MYO10: variants seen among roughly 807,000 people sequenced by gnomAD.
MYO10 encodes the protein unconventional myosin-X.
In MYO10, 133 loss-of-function variants were observed where a neutral mutation model predicts 257.3. The ratio of observed to expected loss-of-function variants is 0.52; its 90% CI spans 0.45 to 0.60. The LOEUF is 0.60. Ranked by LOEUF, MYO10 falls within the 20% of genes least tolerant of loss-of-function variation. The pLI, the probability that MYO10 is intolerant of heterozygous loss-of-function variation, is 0.00. For synonymous variants in MYO10, 1,104 were observed against 1,028.6 expected (o/e 1.07, Z -1.40); for missense variants, 2,399 against 2,635.7 (o/e 0.91, Z 1.97).
At position 16,705,023 on chromosome 5, in the gene MYO10, G is replaced by A. The variant is rs137932530; in HGVS notation, c.2170-338C>T. Among the ~76,000 whole-genome samples the A allele has an allele frequency of 3.0e-3, 453 of 152,274 alleles. 2 individuals are homozygous for A. The highest frequency in any genetic ancestry group is 9.7e-3 in the African/African-American group (403 of 41,562). The stretch of plus-strand genomic sequence containing the variant: ...CACTTAACACATCATGGGCTGGGAC[G>A]AATAGTTCATGGACCAGCATTGGTC... On this transcript the variant is annotated intron_variant, in intron 21 of 40. Coordinates refer to ENST00000513610, the MANE Select transcript of MYO10 (RefSeq NM_012334.3).
intron 19 of MYO10, among the ~76,000 whole-genome samples, chr5:16,746,089 T>C (rs7713400): frequency 0.075 from 11,468 of 152,180 alleles, 1,450 homozygotes; most frequent in African/African-American, 0.26. Context: ...TGGTTGTCCA[T>C]TTTTATGTTT....
chr5:16,777,846 T>C (rs1331304714), intron 9 of MYO10, among the ~76,000 whole-genome samples: 38 of 128,728 alleles, frequency 3.0e-4, no homozygotes, highest in African/African-American at 1.2e-3. Context: ...TAACTTTTTT[T>C]TTTTTTTTTT....
rs958171190 is a variant in MYO10, at chr5:16,793,719, C to T, written c.467+927G>A. On this transcript the variant is annotated intron_variant, in intron 4 of 40. Transcript: ENST00000513610. ...CTGAGGCAGGCGGATCACCTGAGGT[C>T]GGGAGTTTAAGACCAGCCTGACCAA... 4.6e-5 allele frequency among the ~76,000 whole-genome samples: 7 copies of T among 152,172 alleles called. No homozygotes were observed. In the East Asian group the frequency reaches 7.7e-4, roughly 17 times the overall value.
Position 16,672,713 on chromosome 5 carries a change from G to C in MYO10, c.5285C>G (p.Ala1762Gly). 6.2e-7 allele frequency: 1 copy of C among 1,614,038 alleles called. No individual in the cohort carries two copies. Among genetic ancestry groups the C allele is most frequent in the Non-Finnish European group, 8.5e-7 (1 of 1,179,892 alleles). ...DKAIESRTVV[A>G]DVLAKFEKLA... The stretch of plus-strand genomic sequence containing the variant: ...CTTTTCAAACTTGGCTAAGACATCA[G>C]CTACGACGGTTCGACTTTCAATGGC... The change falls in exon 37 of 41, where the codon GCT (alanine) becomes GGT (glycine). Residue 1762 changes from alanine (A) to glycine (G), a missense_variant. This residue lies in a region of MYO10 where 1,820 missense variants were observed against 1,939.4 expected (regional missense o/e 0.94). Coordinates refer to ENST00000513610, the MANE Select transcript of MYO10 (RefSeq NM_012334.3).
At position 16,664,478 on chromosome 5, in the gene MYO10, C is replaced by T. The variant is rs906310501; in HGVS notation, c.*2214G>A. ...CTTGGGTGCCTGGCGGGGCCACAGG[C>T]TTCAGGCAGCACCTGGCTTCAGGTT... On this transcript the variant is annotated 3_prime_UTR_variant, in exon 41 of 41. Transcript: ENST00000513610. 2.6e-5 allele frequency: 4 copies of T among 152,342 alleles called. No individual in the cohort carries two copies. The East Asian group carries it at 7.7e-4, about 29-fold the overall frequency. 9.4% of individuals were successfully genotyped at this position (152,342 alleles called of 1,614,324 possible). A position where few individuals can be genotyped will look rare whatever the true frequency, so the allele number is the denominator to read the frequency against.
At chr5:16,792,939 A>G (rs1741815584) in intron 4 of MYO10, among the ~76,000 whole-genome samples, 1 of 152,146 alleles carries the variant, frequency 6.6e-6, no homozygotes, top group African/African-American at 2.4e-5. Context: ...CTGAAATAAC[A>G]TAATAACTAT....
intron 1 of MYO10, among the ~76,000 whole-genome samples, chr5:16,897,603 G>T (rs1305984793): frequency 1.3e-5 from 2 of 152,144 alleles, no homozygotes. Flanking sequence ...TGAGTCCCAC[G>T]GTCTAAACTC....
intron 2 of MYO10, among the ~76,000 whole-genome samples, chr5:16,858,968 A>G (rs1379710639): frequency 6.6e-6 from 1 of 152,058 alleles, no homozygotes; most frequent in East Asian, 1.9e-4. Flanking sequence ...AGGGGAAAAA[A>G]AAAATAAGTA....
Position 16,936,256 on chromosome 5 carries a change from G to T in MYO10, c.-448C>A, listed in dbSNP as rs535343572. The stretch of plus-strand genomic sequence containing the variant: ...AGCGCTTGGAGGTGAGCAGTCCCGC[G>T]CCGCGGCTCAGCCAGCTCTCGCCCG... On this transcript the variant is annotated 5_prime_UTR_variant, in exon 1 of 41. Transcript: ENST00000513610. 1 of 155,048 alleles carries T rather than the reference G, an allele frequency of 6.4e-6. No homozygotes were observed. The highest frequency in any genetic ancestry group is 2.5e-5 in the African/African-American group (1 of 40,264). 9.6% of individuals were successfully genotyped at this position (155,048 alleles called of 1,614,324 possible).
intron 1 of MYO10, among the ~76,000 whole-genome samples, chr5:16,892,329 G>A (rs17651643): frequency 0.17 from 25,595 of 152,062 alleles, 2,487 homozygotes; most frequent in East Asian, 0.31. Flanking sequence ...CACATGAGAC[G>A]GCTAACCAAA....
At chr5:16,810,838 A>T (rs1375486198) in intron 3 of MYO10, among the ~76,000 whole-genome samples, 1 of 152,150 alleles carries the variant, frequency 6.6e-6, no homozygotes, top group Non-Finnish European at 1.5e-5. Context: ...TGAGAGGCCA[A>T]GGCGGGTGGA....
intron 1 of MYO10, among the ~76,000 whole-genome samples, chr5:16,901,032 C>G (rs1745363573): frequency 6.6e-6 from 1 of 152,112 alleles, no homozygotes; most frequent in African/African-American, 2.4e-5. Flanking sequence ...CGCCTGGCCC[C>G]TTGCTTAAAA....
At chr5:16,922,530 A>T (rs1746018096) in intron 1 of MYO10, among the ~76,000 whole-genome samples, 1 of 152,130 alleles carries the variant, frequency 6.6e-6, no homozygotes, top group African/African-American at 2.4e-5. Context: ...GTCTAAAAGG[A>T]GTGTGTGACC....
chr5:16,905,810 T>A (rs1745504231), intron 1 of MYO10, among the ~76,000 whole-genome samples: 1 of 152,128 alleles, frequency 6.6e-6, no homozygotes, highest in African/African-American at 2.4e-5. Flanking sequence ...GTGGGTAGCG[T>A]CTTCACACAT....
At chr5:16,837,667 T>C (rs930789931) in intron 2 of MYO10, among the ~76,000 whole-genome samples, 1 of 152,176 alleles carries the variant, frequency 6.6e-6, no homozygotes, top group Non-Finnish European at 1.5e-5. Flanking sequence ...TTAATACACA[T>C]GAGTTAGGCA....
intron 39 of MYO10, among the ~76,000 whole-genome samples, chr5:16,669,854 T>TA (rs1219612668): frequency 6.6e-6 from 1 of 152,236 alleles, no homozygotes; most frequent in East Asian, 1.9e-4. Flanking sequence ...TAAAGATTTT[T>TA]AGACTTTGTG....
chr5:16,781,821 A>G lies in MYO10; in HGVS notation c.611T>C (p.Met204Thr), dbSNP rs1741433750. 4 of 1,613,892 alleles carry G rather than the reference A, an allele frequency of 2.5e-6. No homozygotes were observed. The highest frequency in any genetic ancestry group is 1.7e-5 in the Admixed American group (1 of 60,000). The change falls in exon 6 of 41, where the codon ATG becomes ACG. Residue 204 changes from methionine (M) to threonine (T), a missense_variant. Around this residue, in one of 3 missense-constraint regions of MYO10, gnomAD observed 337 missense variants for 446.8 expected, o/e 0.75. Coordinates refer to ENST00000513610, the MANE Select transcript of MYO10 (RefSeq NM_012334.3). Reference sequence around the variant, plus strand: ...GGTCTTCGCATTGCCGAAAGCTTCCATGATGGGGCTGTGAAGACAGTGAGG... The same window carrying G: ...GGTCTTCGCATTGCCGAAAGCTTCCGTGATGGGGCTGTGAAGACAGTGAGG... ...ERAILESSPI[M>T]EAFGNAKTVY...
At chr5:16,731,004 A>G (rs1426541404) in intron 19 of MYO10, among the ~76,000 whole-genome samples, 1 of 151,282 alleles carries the variant, frequency 6.6e-6, no homozygotes, top group African/African-American at 2.4e-5. Context: ...GGCCACCTCC[A>G]AGGCTGGCAC....
intron 2 of MYO10, among the ~76,000 whole-genome samples, chr5:16,820,557 C>G (rs1742768467): frequency 1.3e-5 from 2 of 152,166 alleles, no homozygotes; most frequent in Non-Finnish European, 1.5e-5. Context: ...TTCTTCTAAG[C>G]AAGAAGACAG....
Sources: allele counts gnomAD v4.1 joint callset (sites outside exome capture counted in the v4.1 genomes callset), GRCh38; gene constraint gnomAD v4.1.1; regional missense constraint gnomAD v4.1.1; transcripts MANE v1.5; gene names NCBI Gene and HGNC (gene_info 2026-07-23, HGNC 2026-07-21).